The following PSD3 variants were observed in gnomAD, a reference collection of about 807,000 sequenced individuals.
The protein encoded by PSD3 is pleckstrin and Sec7 domain containing 3, also known as PH and SEC7 domain-containing protein 3.
PSD3 carries 49 observed loss-of-function variants against 105.5 expected under a neutral mutation model. The observed-to-expected ratio is 0.46, with a 90% CI of 0.37 to 0.59. The LOEUF (loss-of-function observed/expected upper bound fraction) is 0.59. PSD3 is among the 20% of genes least tolerant of loss of function. The pLI, the probability that PSD3 is intolerant of heterozygous loss-of-function variation, is 0.00. For synonymous variants in PSD3, 557 were observed against 457.8 expected (o/e 1.22, Z -2.77); for missense variants, 1,561 against 1,263.8 (o/e 1.24, Z -3.57).
chr8:18,795,372 T>G (rs1295325890), intron 8 of PSD3, among the ~76,000 whole-genome samples: 2 of 152,166 alleles, frequency 1.3e-5, no homozygotes, highest in African/African-American at 4.8e-5. Flanking sequence ...TTATACCAAT[T>G]GTACATGGTG....
intron 9 of PSD3, among the ~76,000 whole-genome samples, chr8:18,684,320 G>T (rs1800548334): frequency 6.6e-6 from 1 of 150,768 alleles, no homozygotes; most frequent in Non-Finnish European, 1.5e-5. Context: ...ATTCCAAAAA[G>T]CAACACTATT....
chr8:18,816,862 AT>A (rs5889824), intron 4 of PSD3, among the ~76,000 whole-genome samples: 110,499 of 152,088 alleles, frequency 0.73, 40,584 homozygotes, highest in East Asian at 0.83. Context: ...AGACAGTGAC[AT>A]TCATAAGTGC....
intron 14 of PSD3, among the ~76,000 whole-genome samples, chr8:18,561,267 TA>T (rs1801381520): frequency 6.6e-6 from 1 of 152,232 alleles, no homozygotes; most frequent in African/African-American, 2.4e-5. Flanking sequence ...ATGTGGTATA[TA>T]TACACAATGG....
chr8:18,867,474 G>A (rs1440572733), intron 4 of PSD3, among the ~76,000 whole-genome samples, 200 bp downstream of exon 4: 1 of 152,162 alleles, frequency 6.6e-6, no homozygotes, highest in African/African-American at 2.4e-5. Flanking sequence ...AGACTAAAAT[G>A]ATCACAGTGT....
At chr8:18,877,823 G>A (rs1025733965) in intron 2 of PSD3, among the ~76,000 whole-genome samples, 2 of 152,020 alleles carry the variant, frequency 1.3e-5, no homozygotes, top group African/African-American at 4.8e-5. Flanking sequence ...TTACAGGCAT[G>A]TAGCACCACA....
chr8:18,547,339 C>A (rs1336381914), intron 15 of PSD3, among the ~76,000 whole-genome samples: 1 of 152,224 alleles, frequency 6.6e-6, no homozygotes. Context: ...ACAGGCAGCT[C>A]CCCAAACTAG....
At chr8:18,608,336 T>G (rs1805017267) in intron 11 of PSD3, among the ~76,000 whole-genome samples, 1 of 152,220 alleles carries the variant, frequency 6.6e-6, no homozygotes, top group Non-Finnish European at 1.5e-5. Flanking sequence ...GTACACAGTC[T>G]CTGAGTATCA....
At chr8:18,658,200 T>C (rs1374564104) in intron 9 of PSD3, among the ~76,000 whole-genome samples, 2 of 152,228 alleles carry the variant, frequency 1.3e-5, no homozygotes, top group East Asian at 1.9e-4. Flanking sequence ...CCCTATTCTT[T>C]TCAATTGCAA....
chr8:18,872,787 T>C (rs901167066), intron 2 of PSD3, 54 bp from the exon 3 acceptor site: 7 of 1,451,560 alleles, frequency 4.8e-6, no homozygotes, highest in East Asian at 4.6e-5. Flanking sequence ...CAGGGCCCAG[T>C]AGGTAATAAT....
At chr8:18,633,505 G>A (rs1459518566) in intron 10 of PSD3, among the ~76,000 whole-genome samples, 1 of 152,058 alleles carries the variant, frequency 6.6e-6, no homozygotes, top group Admixed American at 6.6e-5. Context: ...GTGAAAATGT[G>A]TAGTATTTGG....
At chr8:18,866,754 T>C (rs915018651) in intron 4 of PSD3, among the ~76,000 whole-genome samples, 1 of 151,366 alleles carries the variant, frequency 6.6e-6, no homozygotes, top group Non-Finnish European at 1.5e-5. Context: ...AGAGGTCCAT[T>C]GAAAACCTGT....
chr8:18,868,510 T>C (rs1286058986), intron 3 of PSD3, among the ~76,000 whole-genome samples: 2 of 152,080 alleles, frequency 1.3e-5, no homozygotes, highest in African/African-American at 4.8e-5. Context: ...ACTTTCTGAT[T>C]TAAATAAGGC....
At chr8:19,079,297 A>G (rs547432125) in intron 1 of PSD3, among the ~76,000 whole-genome samples, 4 of 152,182 alleles carry the variant, frequency 2.6e-5, no homozygotes, top group Non-Finnish European at 5.9e-5. Context: ...ACTAAAGATA[A>G]GCTTTTCAAT....
chr8:18,682,360 G>GA (rs772982690), intron 9 of PSD3, among the ~76,000 whole-genome samples: 1 of 152,178 alleles, frequency 6.6e-6, no homozygotes, highest in Non-Finnish European at 1.5e-5. Context: ...GCCATGTTGA[G>GA]AATTACATAC....
At chr8:18,777,864 T>C (rs1277880234) in intron 8 of PSD3, among the ~76,000 whole-genome samples, 2 of 152,194 alleles carry the variant, frequency 1.3e-5, no homozygotes, top group East Asian at 3.9e-4. Flanking sequence ...TGATATCAAC[T>C]TTTTAAACTC....
chr8:18,740,587 G>A (rs975706316), intron 9 of PSD3, among the ~76,000 whole-genome samples: 3 of 151,806 alleles, frequency 2.0e-5, no homozygotes, highest in African/African-American at 7.3e-5. Context: ...ACAGCCCCTC[G>A]GTTTCATTAC....
intron 2 of PSD3, among the ~76,000 whole-genome samples, chr8:18,912,606 G>C (rs142387886): frequency 3.9e-5 from 6 of 152,252 alleles, no homozygotes; most frequent in Middle Eastern, 3.4e-3. Context: ...TATCATCTCT[G>C]TGGCTAGGAT....
At chr8:18,795,183 T>C (rs937930819) in intron 8 of PSD3, among the ~76,000 whole-genome samples, 1 of 152,184 alleles carries the variant, frequency 6.6e-6, no homozygotes, top group Non-Finnish European at 1.5e-5. Context: ...CTAGATATGG[T>C]TTCAACCCTT....
chr8:18,768,498 T>G (rs1807221058), intron 8 of PSD3, among the ~76,000 whole-genome samples: 1 of 151,808 alleles, frequency 6.6e-6, no homozygotes, highest in Non-Finnish European at 1.5e-5. Flanking sequence ...CTCTGGAGGC[T>G]GAGGGGCAAG....
Sources: gnomAD v4.1 joint callset for allele counts (sites outside exome capture counted in the v4.1 genomes callset) on GRCh38, gnomAD v4.1.1 for gene constraint, MANE v1.5 for transcripts, NCBI Gene and HGNC (gene_info 2026-07-23, HGNC 2026-07-21) for gene names.